Variants in ERAP1 observed in about 807,000 individuals in gnomAD.
ERAP1 encodes the protein endoplasmic reticulum aminopeptidase 1, also known as adipocyte-derived leucine aminopeptidase.
Under a neutral mutation model 103.7 loss-of-function variants are expected in ERAP1, and 86 were observed. The observed-to-expected ratio is 0.83, with a 90% CI of 0.70 to 0.99. The LOEUF (loss-of-function observed/expected upper bound fraction) is 0.99, where lower values mean the gene tolerates loss of function less well. Among genes scored for constraint, ERAP1 ranks in the 50% least tolerant of loss-of-function variants. ERAP1 has a pLI of 0.00. For synonymous variants in ERAP1, 398 were observed against 402.4 expected (o/e 0.99, Z 0.13); for missense variants, 1,009 against 1,128.4 (o/e 0.89, Z 1.52).
In ERAP1 at chr5:96,762,306, C is replaced by T. The variant is rs754035906; in HGVS notation, c.*894G>A. The T allele has an allele frequency of 5.0e-6, 8 of 1,608,984 alleles. No homozygotes were observed. In the South Asian group the frequency reaches 7.8e-5, roughly 16 times the overall value. Reference sequence around the variant, plus strand: ...AAGATGCTAAACTTGCTGCTGCCATCTCTGAAGTGGTTTCCCAAACCCCAG... The same window carrying T: ...AAGATGCTAAACTTGCTGCTGCCATTTCTGAAGTGGTTTCCCAAACCCCAG... On this transcript the variant is annotated 3_prime_UTR_variant, in exon 20 of 20. Coordinates refer to the ERAP1 transcript ENST00000296754.
the ERAP1 span, among the ~76,000 whole-genome samples, chr5:96,912,136 A>C: frequency 1.3e-5 from 2 of 148,226 alleles, no homozygotes; most frequent in East Asian, 3.9e-4. Flanking sequence ...GCCTGCAGTG[A>C]GCCCAGATCG....
chr5:96,820,762 CTTCT>C, the ERAP1 span, among the ~76,000 whole-genome samples: 3 of 152,156 alleles, frequency 2.0e-5, no homozygotes, highest in Admixed American at 6.5e-5. Context: ...TCTGTAACCT[CTTCT>C]TTCTTGCATT....
downstream of ERAP1, chr5:96,770,497 T>C: frequency 2.1e-6 from 3 of 1,429,430 alleles, no homozygotes; most frequent in East Asian, 2.3e-5. Flanking sequence ...GGATTGGTGA[T>C]AGCCATAGCC....
At chr5:96,875,371 A>T in the ERAP1 span, among the ~76,000 whole-genome samples, 5 of 150,246 alleles carry the variant, frequency 3.3e-5, no homozygotes, top group Non-Finnish European at 7.4e-5. Context: ...CTCATCTATA[A>T]AAAAAAAATA....
At position 96,776,336 on chromosome 5, in the gene ERAP1, A is replaced by T. The variant is rs1774291956; in HGVS notation, c.*60T>A. 5 of 1,568,880 alleles carry T rather than the reference A, an allele frequency of 3.2e-6. No homozygotes were observed. The South Asian group carries it at 6.0e-5, about 19-fold the overall frequency. The stretch of plus-strand genomic sequence containing the variant: ...CCAAAACAGCCATCTCTAGTTTGAA[A>T]ATACACTCAACAAAATGTTGGTGAT... On this transcript the variant is annotated 3_prime_UTR_variant, in exon 19 of 19. Coordinates refer to ENST00000443439, the MANE Select transcript of ERAP1 (RefSeq NM_001040458.3).
intron 17 of ERAP1, among the ~76,000 whole-genome samples, chr5:96,780,747 A>AAG (rs1209935310): frequency 6.6e-6 from 1 of 152,202 alleles, no homozygotes. Flanking sequence ...GAGTTAGACA[A>AAG]AGACAGATGT....
chr5:96,849,695 A>G, the ERAP1 span, among the ~76,000 whole-genome samples: 2 of 152,202 alleles, frequency 1.3e-5, no homozygotes, highest in Non-Finnish European at 2.9e-5. Flanking sequence ...AAAATGATCT[A>G]CAGATTCAAT....
At chr5:96,779,394 T>C (rs1483031430) in intron 18 of ERAP1, 1 of 152,252 alleles carries the variant, frequency 6.6e-6, no homozygotes, top group Non-Finnish European at 1.5e-5. Context: ...AGAGTATCTC[T>C]GCTCTAGACC....
chr5:96,770,586 C>T (rs767408102), downstream of ERAP1: 41 of 1,611,262 alleles, frequency 2.5e-5, no homozygotes, highest in Admixed American at 3.3e-5. Flanking sequence ...GGAGGTAAAG[C>T]GAAGGATTCA....
chr5:96,808,147 G>A (rs1170263297), upstream of ERAP1: 1 of 983,830 alleles, frequency 1.0e-6, no homozygotes, highest in East Asian at 1.2e-4. Context: ...CGATGCGGGG[G>A]ATCAGGCGTA....
the ERAP1 span, among the ~76,000 whole-genome samples, chr5:96,878,960 C>G: frequency 3.3e-5 from 5 of 152,166 alleles, no homozygotes; most frequent in Admixed American, 2.0e-4. Context: ...ATAAAGTAGG[C>G]TGGTCACAGT....
the ERAP1 span, among the ~76,000 whole-genome samples, chr5:96,861,535 G>C: frequency 6.6e-6 from 1 of 152,172 alleles, no homozygotes; most frequent in East Asian, 1.9e-4. Flanking sequence ...ATTTCTGAAA[G>C]CCTTAATCAG....
At chr5:96,904,402 T>C in the ERAP1 span, among the ~76,000 whole-genome samples, 2 of 152,206 alleles carry the variant, frequency 1.3e-5, no homozygotes, top group Non-Finnish European at 2.9e-5. Context: ...TTCAGGAGCT[T>C]ATTTAGGTCA....
At chr5:96,931,161 T>C in the ERAP1 span, among the ~76,000 whole-genome samples, 2 of 151,872 alleles carry the variant, frequency 1.3e-5, no homozygotes, top group Non-Finnish European at 2.9e-5. Flanking sequence ...GGAAATCTTT[T>C]TTTTTTTTTT....
chr5:96,789,496 A>AG (rs1776484224), intron 10 of ERAP1, among the ~76,000 whole-genome samples: 1 of 152,038 alleles, frequency 6.6e-6, no homozygotes. Flanking sequence ...CAAAAAAAAA[A>AG]GAATTAGTAA....
At chr5:96,916,107 G>A in the ERAP1 span, among the ~76,000 whole-genome samples, 1 of 152,090 alleles carries the variant, frequency 6.6e-6, no homozygotes, top group Non-Finnish European at 1.5e-5. Flanking sequence ...TGTAGTCCCA[G>A]CTACTTGGGA....
At chr5:96,915,755 G>T in the ERAP1 span, 2 of 1,601,104 alleles carry the variant, frequency 1.2e-6, no homozygotes, top group South Asian at 1.1e-5. Context: ...TTCTTCCAAG[G>T]ATAAGTTGCA....
At chr5:96,795,404 C>A (rs929394455) in intron 4 of ERAP1, among the ~76,000 whole-genome samples, 23 of 152,224 alleles carry the variant, frequency 1.5e-4, no homozygotes, top group East Asian at 1.2e-3. Flanking sequence ...TATAAGATGG[C>A]AAATGAGAAA....
chr5:96,785,636 TA>T, intron 13 of ERAP1, 151 bp downstream of exon 13: 1 of 797,538 alleles, frequency 1.3e-6, no homozygotes, highest in Non-Finnish European at 2.1e-6. Context: ...ATTATAAGAC[TA>T]AAAGCAATCT....
Sources: allele counts gnomAD v4.1 joint callset (sites outside exome capture counted in the v4.1 genomes callset), GRCh38; gene constraint gnomAD v4.1.1; transcripts MANE v1.5; gene names NCBI Gene and HGNC (gene_info 2026-07-23, HGNC 2026-07-21).